The following ZFP69B variants were observed in gnomAD, a reference collection of about 807,000 sequenced individuals.
The protein encoded by ZFP69B is zinc finger protein 69 homolog B.
ZFP69B carries 20 observed loss-of-function variants against 19.7 expected under a neutral mutation model. The observed-to-expected ratio is 1.02, with a 90% confidence interval of 0.71 to 1.48. ZFP69B has a LOEUF of 1.48. ZFP69B is among the 40% of genes most tolerant of loss of function. The probability of loss-of-function intolerance (pLI) is 0.00; values close to 1 mark genes in which losing one functional copy is unlikely to be tolerated. For missense variants in ZFP69B, 583 were observed against 632.6 expected (o/e 0.92, Z 0.84); for synonymous variants, 220 against 222.7 (o/e 0.99, Z 0.11).
In ZFP69B at chr1:40,463,042, A is replaced by T. The variant is rs754826548; in HGVS notation, c.1058A>T (p.His353Leu). The T allele has an allele frequency of 6.2e-7, 1 of 1,613,844 alleles. No individual in the cohort carries two copies. The highest frequency in any genetic ancestry group is 8.5e-7 in the Non-Finnish European group (1 of 1,179,826). ...AGACATCCTTCATCGCTTACTCAAC[A>T]TGTTAGAATTCATACCGGGGAAAAG... Reference protein sequence around the residue: ...TFRHPSSLTQHVRIHTGEKPY... With the variant: ...TFRHPSSLTQLVRIHTGEKPY... The change falls in exon 5 of 5, where the codon CAT (histidine) becomes CTT (leucine). Residue 353 changes from histidine to leucine, a missense_variant. Physicochemically the swap from His to Leu is moderately conservative, Grantham distance 99. Coordinates refer to ENST00000361584, the MANE Select transcript of ZFP69B (RefSeq NM_023070.3).
Position 40,463,191 on chromosome 1 carries a change from A to G in ZFP69B, c.1207A>G (p.Ile403Val). Reference protein sequence around the residue: ...CKDCGKAFFQIRHLRQHEIIH... With the variant: ...CKDCGKAFFQVRHLRQHEIIH... ...AGACTGTGGAAAAGCGTTTTTCCAG[A>G]TTAGACACCTTAGGCAACATGAGAT... The change falls in exon 5 of 5, where the codon ATT (isoleucine) becomes GTT (valine). Residue 403 changes from isoleucine to valine, a missense_variant. Transcript: ENST00000361584. 6.2e-7 allele frequency: 1 copy of G among 1,614,188 alleles called. No individual in the cohort carries two copies. The highest frequency in any genetic ancestry group is 8.5e-7 in the Non-Finnish European group (1 of 1,180,022).
chr1:40,463,263 A>G lies in ZFP69B; in HGVS notation c.1279A>G (p.Thr427Ala), dbSNP rs749403719. Reference protein sequence around the residue: ...KPYICNVCSKTFSHSTYLTQH... With the variant: ...KPYICNVCSKAFSHSTYLTQH... The stretch of plus-strand genomic sequence containing the variant: ...CTATATTTGTAATGTATGTAGTAAA[A>G]CCTTCAGCCATAGTACATACCTAAC... Residue 427 changes from threonine to alanine, a missense_variant, in exon 5 of 5, where the codon ACC (threonine) becomes GCC (alanine). Coordinates refer to ENST00000361584, the MANE Select transcript of ZFP69B (RefSeq NM_023070.3). 6 of 1,614,126 alleles carry G rather than the reference A, an allele frequency of 3.7e-6. No individual in the cohort carries two copies. The Admixed American group carries it at 8.3e-5, about 22-fold the overall frequency.
Position 40,457,380 on chromosome 1 carries a change from T to G in ZFP69B, c.377T>G (p.Leu126Trp), listed in dbSNP as rs1460846500. Residue 126 changes from leucine (L) to tryptophan (W), a missense_variant, in exon 4 of 5, where the codon TTG becomes TGG. Leu to Trp is a moderately conservative substitution (Grantham distance 61, BLOSUM62 -2). Coordinates refer to ENST00000361584, the MANE Select transcript of ZFP69B (RefSeq NM_023070.3). ...QLSKPGVISQLEKGEEPWLME... is the reference protein window; with the variant it reads ...QLSKPGVISQWEKGEEPWLME... The stretch of plus-strand genomic sequence containing the variant: ...TCCAAACCTGGCGTGATTTCCCAGT[T>G]GGAGAAAGGAGAAGAACCATGGCTG... 5 of 1,614,034 alleles carry G rather than the reference T, an allele frequency of 3.1e-6. No individual in the cohort carries two copies. In the Admixed American group the frequency reaches 8.3e-5, roughly 27 times the overall value.
intron 4 of ZFP69B, among the ~76,000 whole-genome samples, chr1:40,461,942 T>G (rs1645289046): frequency 6.6e-6 from 1 of 152,208 alleles, no homozygotes; most frequent in Non-Finnish European, 1.5e-5. Context: ...AGGCAGAGGC[T>G]TGCTCTGTTG....
At chr1:40,452,918 G>A (rs1026884352) in intron 1 of ZFP69B, among the ~76,000 whole-genome samples, 1 of 150,476 alleles carries the variant, frequency 6.6e-6, no homozygotes, top group East Asian at 1.9e-4. Context: ...CAATATTCAT[G>A]ATAAAAAGTT....
rs1645302964 is a variant in ZFP69B, at chr1:40,462,889, C to G, written c.905C>G (p.Thr302Ser). Residue 302 changes from threonine to serine, a missense_variant, in exon 5 of 5, where the codon ACC becomes AGC. Thr to Ser is a moderately conservative substitution (Grantham distance 58, BLOSUM62 1). Transcript: ENST00000361584. ...CTTACTGAACACATGAGAATTCATA[C>G]CGGGGAGAAACCTTTCAGATGTAAG... Reference protein sequence around the residue: ...IHLTEHMRIHTGEKPFRCKEC... With the variant: ...IHLTEHMRIHSGEKPFRCKEC... 2.5e-6 allele frequency: 4 copies of G among 1,614,128 alleles called. No individual in the cohort carries two copies. Among genetic ancestry groups the G allele is most frequent in the Non-Finnish European group, 3.4e-6 (4 of 1,180,024 alleles).
In ZFP69B at chr1:40,462,410, A is replaced by G. The variant is rs139707838; in HGVS notation, c.437-11A>G. 9.3e-4 allele frequency: 1,453 copies of G among 1,556,810 alleles called. 3 individuals are homozygous for G. The African/African-American group carries it at 0.018, about 19-fold the overall frequency. Reference sequence around the variant, plus strand: ...AGGAATATGGATCTTTTTTTTTATTATTTCTTTCAGACTTGAAGAGCAAAA... The same window carrying G: ...AGGAATATGGATCTTTTTTTTTATTGTTTCTTTCAGACTTGAAGAGCAAAA... On this transcript the variant is annotated splice_polypyrimidine_tract_variant and intron_variant, in intron 4 of 4. Transcript: ENST00000361584.
At chr1:40,454,713 C>T (rs1645217423) in intron 2 of ZFP69B, among the ~76,000 whole-genome samples, 1 of 152,178 alleles carries the variant, frequency 6.6e-6, no homozygotes, top group Non-Finnish European at 1.5e-5. Flanking sequence ...CTTTTCTTAG[C>T]CTGTTCTTCC....
intron 2 of ZFP69B, among the ~76,000 whole-genome samples, chr1:40,455,838 T>G (rs1557506827): frequency 1.3e-5 from 2 of 152,208 alleles, no homozygotes. Flanking sequence ...CTCCCACTTA[T>G]GAGTGAGAAC....
rs1467338996 is a variant in ZFP69B at position 40,450,716 on chromosome 1, G to T, written c.-246G>T. On this transcript the variant is annotated 5_prime_UTR_variant, in exon 1 of 5. Transcript: ENST00000361584. ...CCTCCAGCTGCTGGCCAAGGAGACA[G>T]ATGGAGCTCAAGTTGGGAGATACGC... 3.7e-5 allele frequency: 11 copies of T among 298,712 alleles called. No individual in the cohort carries two copies. Among genetic ancestry groups the T allele is most frequent in the East Asian group, 3.3e-4 (5 of 15,210 alleles). The allele number at this position is 298,712 out of a possible 1,614,324, so 18.5% of individuals were successfully genotyped here. A position where few individuals can be genotyped will look rare whatever the true frequency, so the allele number is the denominator to read the frequency against.
chr1:40,463,042 A>C lies in ZFP69B; in HGVS notation c.1058A>C (p.His353Pro). The change falls in exon 5 of 5, where the codon CAT becomes CCT. Residue 353 changes from histidine (H) to proline (P), a missense_variant. His to Pro is a moderately conservative substitution (Grantham distance 77, BLOSUM62 -2). Coordinates refer to ENST00000361584, the MANE Select transcript of ZFP69B (RefSeq NM_023070.3). ...TFRHPSSLTQ[H>P]VRIHTGEKPY... The stretch of plus-strand genomic sequence containing the variant: ...AGACATCCTTCATCGCTTACTCAAC[A>C]TGTTAGAATTCATACCGGGGAAAAG... The C allele has an allele frequency of 6.2e-7, 1 of 1,613,962 alleles. No homozygotes were observed. Among genetic ancestry groups the C allele is most frequent in the Non-Finnish European group, 8.5e-7 (1 of 1,179,818 alleles).
intron 2 of ZFP69B, among the ~76,000 whole-genome samples, chr1:40,455,798 TC>T (rs1645227137): frequency 6.6e-6 from 1 of 152,110 alleles, no homozygotes; most frequent in South Asian, 2.1e-4. Context: ...GATGTTCCCC[TC>T]CCTGTGTCCG....
At chr1:40,457,506 G>A (rs1411433763) in intron 4 of ZFP69B, 67 bp downstream of exon 4, 1 of 1,375,004 alleles carries the variant, frequency 7.3e-7, no homozygotes, top group Non-Finnish European at 1.0e-6. Context: ...CCTTCTCCAA[G>A]TTGTGGGGAA....
At chr1:40,460,633 T>A (rs924028346) in intron 4 of ZFP69B, among the ~76,000 whole-genome samples, 4 of 150,832 alleles carry the variant, frequency 2.7e-5, no homozygotes, top group African/African-American at 9.8e-5. Context: ...TCACTTGAGG[T>A]CAGGAGTTCA....
chr1:40,461,472 A>G (rs1645284660), intron 4 of ZFP69B, among the ~76,000 whole-genome samples: 1 of 152,144 alleles, frequency 6.6e-6, no homozygotes, highest in South Asian at 2.1e-4. Context: ...TGTCAGAGAA[A>G]TATGGGCTTG....
At position 40,463,455 on chromosome 1, in the gene ZFP69B, G is replaced by A; in HGVS notation, c.1471G>A (p.Ala491Thr). The change falls in exon 5 of 5, where the codon GCT (alanine) becomes ACT (threonine). Residue 491 changes from alanine to threonine, a missense_variant. Physicochemically the swap from Ala to Thr is moderately conservative, Grantham distance 58. Coordinates refer to ENST00000361584, the MANE Select transcript of ZFP69B (RefSeq NM_023070.3). ...GKAFRHDSSF[A>T]KHQRIHTGEK... The stretch of plus-strand genomic sequence containing the variant: ...AGCCTTTAGGCATGATTCATCCTTT[G>A]CTAAACATCAGAGAATTCATACTGG... The A allele has an allele frequency of 6.2e-7, 1 of 1,614,008 alleles. No homozygotes were observed. Among genetic ancestry groups the A allele is most frequent in the East Asian group, 2.2e-5 (1 of 44,836 alleles).
intron 4 of ZFP69B, among the ~76,000 whole-genome samples, chr1:40,461,145 CAAA>C (rs576934778): frequency 1.9e-5 from 1 of 51,354 alleles, no homozygotes. Context: ...GACCCCATCA[CAAA>C]AAAAAAAAAA....
intron 2 of ZFP69B, among the ~76,000 whole-genome samples, chr1:40,455,890 A>G (rs1242691519): frequency 2.0e-5 from 3 of 152,076 alleles, no homozygotes; most frequent in Non-Finnish European, 2.9e-5. Flanking sequence ...GTTTGCTGAG[A>G]ATGATGGTTT....
chr1:40,455,015 A>G (rs1645220536), intron 2 of ZFP69B, among the ~76,000 whole-genome samples: 1 of 152,234 alleles, frequency 6.6e-6, no homozygotes, highest in African/African-American at 2.4e-5. Context: ...TTGGAGATGT[A>G]TACACTTCAT....
Sources: gnomAD v4.1 joint callset for allele counts (sites outside exome capture counted in the v4.1 genomes callset) on GRCh38, gnomAD v4.1.1 for gene constraint, MANE v1.5 for transcripts, NCBI Gene and HGNC (gene_info 2026-07-23, HGNC 2026-07-21) for gene names.